TMEM232: variants seen among roughly 807,000 people sequenced by gnomAD.
The protein encoded by TMEM232 is transmembrane protein 232.
Under a neutral mutation model 78.8 loss-of-function variants are expected in TMEM232, and 80 were observed. The ratio of observed to expected loss-of-function variants is 1.01; its 90% CI spans 0.85 to 1.22. TMEM232 has a LOEUF of 1.22. Ranked by LOEUF, TMEM232 falls within the 50% of genes most tolerant of loss-of-function variation. The pLI, the probability that TMEM232 is intolerant of heterozygous loss-of-function variation, is 0.00. For synonymous variants in TMEM232, 297 were observed against 254.3 expected (o/e 1.17, Z -1.60); for missense variants, 881 against 742.2 (o/e 1.19, Z -2.17).
intron 10 of TMEM232, among the ~76,000 whole-genome samples, 185 bp downstream of exon 10, chr5:110,604,924 G>A (rs1441943371): frequency 6.6e-6 from 1 of 152,048 alleles, no homozygotes; most frequent in African/African-American, 2.4e-5. Flanking sequence ...CCACTGCACC[G>A]CAGCCTGGGT....
intron 12 of TMEM232, 30 bp from the exon 13 acceptor site, chr5:110,424,946 A>G: frequency 6.8e-7 from 1 of 1,468,932 alleles, no homozygotes; most frequent in African/African-American, 1.4e-5. Flanking sequence ...CAAATCCAAC[A>G]TTAGGTATAG....
intron 2 of TMEM232, among the ~76,000 whole-genome samples, chr5:110,649,581 C>T (rs1030290396): frequency 2.0e-5 from 3 of 152,064 alleles, no homozygotes; most frequent in African/African-American, 7.2e-5. Context: ...AGCACAACAA[C>T]TCTCATTTTC....
rs76264400 is a variant in TMEM232 at position 110,611,878 on chromosome 5, G to A, written c.903-5591C>T. 8.0e-4 allele frequency among the ~76,000 whole-genome samples: 121 copies of A among 152,188 alleles called. 1 individual carries two copies. The highest frequency in any genetic ancestry group is 2.9e-3 in the African/African-American group (119 of 41,556). On this transcript the variant is annotated intron_variant, in intron 8 of 13. Coordinates refer to ENST00000455884, the MANE Select transcript of TMEM232 (RefSeq NM_001039763.4). Reference sequence around the variant, plus strand: ...GAACAGAGAGCAGGGGAACAGTTTCGAAGTGTAATTAATGTACATACAACA... The same window carrying A: ...GAACAGAGAGCAGGGGAACAGTTTCAAAGTGTAATTAATGTACATACAACA...
At chr5:110,564,782 G>C (rs1363511721) in intron 11 of TMEM232, among the ~76,000 whole-genome samples, 1 of 151,894 alleles carries the variant, frequency 6.6e-6, no homozygotes, top group Non-Finnish European at 1.5e-5. Flanking sequence ...CCAAGTGCTG[G>C]ACCTGTAGAG....
rs202061913 is a variant in TMEM232, at chr5:110,461,887, TA to T, written c.1704-36972del. 3.2e-3 allele frequency among the ~76,000 whole-genome samples: 487 copies of T among 151,340 alleles called. 1 individual carries two copies. The highest frequency in any genetic ancestry group is 7.6e-3 in the East Asian group (39 of 5,162). Reference sequence around the variant, plus strand: ...AGCATATTTTAGGAACTACTGTTCCTAAAAAAAAATGTATTTCAAAATGTTA... The same window carrying T: ...AGCATATTTTAGGAACTACTGTTCCTAAAAAAAATGTATTTCAAAATGTTA... On this transcript the variant is annotated intron_variant, in intron 12 of 13. Transcript: ENST00000455884.
chr5:110,442,107 G>A (rs1759121620), intron 12 of TMEM232, among the ~76,000 whole-genome samples: 1 of 151,974 alleles, frequency 6.6e-6, no homozygotes, highest in African/African-American at 2.4e-5. Flanking sequence ...TCTTCTTTGG[G>A]TTAAATCTCT....
At chr5:110,682,081 G>C (rs1295138572) in intron 1 of TMEM232, among the ~76,000 whole-genome samples, 1 of 151,912 alleles carries the variant, frequency 6.6e-6, no homozygotes, top group African/African-American at 2.4e-5. Flanking sequence ...TAAATGTAAA[G>C]AAACTAAAAT....
chr5:110,538,058 C>A (rs1772617544), intron 11 of TMEM232, among the ~76,000 whole-genome samples: 1 of 152,126 alleles, frequency 6.6e-6, no homozygotes, highest in African/African-American at 2.4e-5. Context: ...GAATGAACAA[C>A]CGGGCTAAAT....
In TMEM232 at chr5:110,704,887, C is replaced by T. The variant is rs79751297; in HGVS notation, c.-13+21740G>A. Among the ~76,000 whole-genome samples the T allele has an allele frequency of 5.8e-3, 890 of 152,164 alleles. 9 individuals carry two copies. The highest frequency in any genetic ancestry group is 0.02 in the African/African-American group (848 of 41,518). On this transcript the variant is annotated intron_variant, in intron 1 of 13. Transcript: ENST00000455884. Reference sequence around the variant, plus strand: ...CTGATAAAATGGAAGACAGCTTCAGCTAGTGTGCCTTGTCATAGTATTTCT... The same window carrying T: ...CTGATAAAATGGAAGACAGCTTCAGTTAGTGTGCCTTGTCATAGTATTTCT...
chr5:110,557,269 T>C (rs564021809), intron 11 of TMEM232, among the ~76,000 whole-genome samples: 6 of 152,316 alleles, frequency 3.9e-5, no homozygotes, highest in African/African-American at 1.2e-4. Flanking sequence ...TTTCAGCTCA[T>C]ATATGATTTT....
chr5:110,521,344 C>G (rs1265706746), intron 12 of TMEM232, among the ~76,000 whole-genome samples: 1 of 152,026 alleles, frequency 6.6e-6, no homozygotes. Context: ...TGAAGGAATT[C>G]CTTATATATT....
chr5:110,482,894 A>T (rs1241491316), intron 12 of TMEM232, among the ~76,000 whole-genome samples: 1 of 151,052 alleles, frequency 6.6e-6, no homozygotes, highest in African/African-American at 2.5e-5. Context: ...AATGTAGAGA[A>T]TTTTCCCATG....
chr5:110,737,414 G>A (rs115244924), intron 1 of TMEM232, among the ~76,000 whole-genome samples: 1,848 of 151,990 alleles, frequency 0.012, 45 homozygotes, highest in African/African-American at 0.042. Flanking sequence ...TAAGATTTTG[G>A]AGTCAAAAAA....
At chr5:110,583,786 A>G (rs1023077235) in intron 10 of TMEM232, among the ~76,000 whole-genome samples, 1 of 151,814 alleles carries the variant, frequency 6.6e-6, no homozygotes, top group African/African-American at 2.4e-5. Flanking sequence ...ACTCAATAGT[A>G]AAATAAAACT....
At chr5:110,699,198 T>C (rs1165058163) in intron 1 of TMEM232, among the ~76,000 whole-genome samples, 1 of 152,086 alleles carries the variant, frequency 6.6e-6, no homozygotes, top group East Asian at 1.9e-4. Context: ...GTGAGCTTTC[T>C]TGAGACACAT....
intron 12 of TMEM232, among the ~76,000 whole-genome samples, chr5:110,451,288 ATTTTC>A (rs1454588034): frequency 4.6e-5 from 7 of 152,106 alleles, no homozygotes; most frequent in Admixed American, 1.3e-4. Context: ...GAGCAAGAAT[ATTTTC>A]TTTTATCTCC....
chr5:110,527,273 C>T (rs899559845), intron 12 of TMEM232, among the ~76,000 whole-genome samples: 1 of 151,782 alleles, frequency 6.6e-6, no homozygotes, highest in South Asian at 2.1e-4. Context: ...TTTGCAAACA[C>T]AGTAATATAC....
chr5:110,427,976 C>T (rs922478171), intron 12 of TMEM232, among the ~76,000 whole-genome samples: 1 of 151,656 alleles, frequency 6.6e-6, no homozygotes, highest in African/African-American at 2.4e-5. Context: ...AGCATTTATC[C>T]CTCATGTTAG....
At chr5:110,556,826 A>G (rs930947620) in intron 11 of TMEM232, among the ~76,000 whole-genome samples, 2 of 151,982 alleles carry the variant, frequency 1.3e-5, no homozygotes, top group South Asian at 2.1e-4. Context: ...TTTCTTTCAC[A>G]TTGATCTTGG....
Sources: allele counts gnomAD v4.1 joint callset (sites outside exome capture counted in the v4.1 genomes callset), GRCh38; gene constraint gnomAD v4.1.1; transcripts MANE v1.5; gene names NCBI Gene and HGNC (gene_info 2026-07-23, HGNC 2026-07-21).